The following MUC6 variants were observed in gnomAD, a reference collection of about 807,000 sequenced individuals.
The protein encoded by MUC6 is mucin 6, oligomeric mucus/gel-forming (gene/pseudogene).
In MUC6, 188 loss-of-function variants were observed where a neutral mutation model predicts 201.5. The observed-to-expected ratio is 0.93, with a 90% CI of 0.83 to 1.05. The LOEUF (loss-of-function observed/expected upper bound fraction) is 1.05, where lower values mean the gene tolerates loss of function less well. Ranked by LOEUF, MUC6 falls within the 50% of genes least tolerant of loss-of-function variation. MUC6 has a pLI of 0.00. For synonymous variants in MUC6, 1,228 were observed against 1,389.4 expected, an observed-to-expected ratio of 0.88 and a Z score of 2.58; for missense variants, 2,706 against 3,256.9, an observed-to-expected ratio of 0.83 and a Z score of 4.12.
chr11:1,025,713 A>C, intron 22 of MUC6, 92 bp downstream of exon 22: 1 of 1,219,008 alleles, frequency 8.2e-7, no homozygotes, highest in Non-Finnish European at 1.2e-6. Context: ...ATCTCGGGGC[A>C]GGACCTGGAG....
intron 21 of MUC6, 35 bp downstream of exon 21, chr11:1,025,965 T>A: frequency 6.3e-7 from 1 of 1,591,438 alleles, no homozygotes; most frequent in South Asian, 1.1e-5. Context: ...TGCCTCTGGG[T>A]CCCCGGCCCC....
intron 20 of MUC6, 34 bp from the exon 21 acceptor site, chr11:1,026,175 C>T (rs369847851): frequency 1.2e-4 from 189 of 1,569,060 alleles, no homozygotes; most frequent in Non-Finnish European, 1.4e-4. Flanking sequence ...GGTGGGCCTG[C>T]GGCCCTCCTG....
rs1227055310 is a variant in MUC6 at position 1,029,263 on chromosome 11, G to A, written c.1240C>T (p.Arg414Cys). 2.4e-5 allele frequency: 39 copies of A among 1,607,332 alleles called. No homozygotes were observed. The highest frequency in any genetic ancestry group is 4.0e-5 in the African/African-American group (3 of 74,848). ...ATGTAGGTGCAGGTGCCGTGGAAGCGGTAGGGCCTGGCGTCAAATGTGGTA... is the reference window on the plus strand; with the variant it reads ...ATGTAGGTGCAGGTGCCGTGGAAGCAGTAGGGCCTGGCGTCAAATGTGGTA... ...FVTTFDARPY[R>C]FHGTCTYILL... Residue 414 changes from arginine (R) to cysteine (C), a missense_variant, in exon 10 of 33, where the codon CGC (arginine) becomes TGC (cysteine). Transcript: ENST00000421673.
Position 1,013,221 on chromosome 11 carries a change from G to C in MUC6, c.*235C>G, listed in dbSNP as rs758012068. 8 of 564,474 alleles carry C rather than the reference G, an allele frequency of 1.4e-5. No homozygotes were observed. The highest frequency in any genetic ancestry group is 2.2e-5 in the Non-Finnish European group (7 of 321,218). 35.0% of individuals were successfully genotyped at this position (564,474 alleles called of 1,614,324 possible). A position where few individuals can be genotyped will look rare whatever the true frequency, so the allele number is the denominator to read the frequency against. ...TGTGCCTGGGAGGTCCGTGACCACT[G>C]TCCGCCTCAGTCCCTCTCTGCTGGC... On this transcript the variant is annotated 3_prime_UTR_variant, in exon 33 of 33. Transcript: ENST00000421673.
intron 16 of MUC6, 49 bp downstream of exon 16, chr11:1,027,636 C>G (rs564398064): frequency 1.9e-6 from 3 of 1,575,902 alleles, no homozygotes; most frequent in Non-Finnish European, 2.6e-6. Context: ...GACACCCCCT[C>G]GTGAGCCCAG....
chr11:1,030,469 AC>A, intron 7 of MUC6, 103 bp downstream of exon 7: 1 of 1,419,088 alleles, frequency 7.0e-7, no homozygotes, highest in Non-Finnish European at 9.4e-7. Flanking sequence ...TGTCTCTCAG[AC>A]CAGGAGGGAT....
chr11:1,030,382 C>G, intron 7 of MUC6, 47 bp from the exon 8 acceptor site: 1 of 1,519,710 alleles, frequency 6.6e-7, no homozygotes, highest in South Asian at 1.2e-5. Context: ...CCCCCCCACC[C>G]CTCCCTGCCC....
In MUC6 at chr11:1,013,732, C is replaced by T. The variant is rs529809300; in HGVS notation, c.7143-99G>A. The T allele has an allele frequency of 8.0e-5, 114 of 1,431,536 alleles. No individual in the cohort carries two copies. The Admixed American group carries it at 1.6e-3, about 20-fold the overall frequency. 88.7% of individuals were successfully genotyped at this position (1,431,536 alleles called of 1,614,324 possible). ...TGCTCCGCAGAGGCCTGGACCTCCC[C>T]GCTGAGCTCCCGGCTCACAGGGGCC... On this transcript the variant is annotated intron_variant, in intron 32 of 32. Transcript: ENST00000421673.
chr11:1,022,817 GA>G (rs1412646152), intron 26 of MUC6, among the ~76,000 whole-genome samples: 1 of 152,222 alleles, frequency 6.6e-6, no homozygotes. Context: ...GAATGTGCAT[GA>G]ATGAATAAGC....
At chr11:1,030,362 AG>A (rs1857071449) in intron 7 of MUC6, 27 bp from the exon 8 acceptor site, 2 of 1,541,912 alleles carry the variant, frequency 1.3e-6, no homozygotes, top group Non-Finnish European at 1.7e-6. Flanking sequence ...CTCCGGTGAG[AG>A]GGTCCCACCC....
intron 27 of MUC6, 55 bp downstream of exon 27, chr11:1,021,160 G>C: frequency 5.5e-6 from 8 of 1,466,726 alleles, no homozygotes; most frequent in Non-Finnish European, 7.3e-6. Context: ...GTGGACGTGC[G>C]TTCTGCCTGC....
At chr11:1,014,524 G>A (rs115946204) in intron 31 of MUC6, among the ~76,000 whole-genome samples, 5,469 of 152,300 alleles carry the variant, frequency 0.036, 330 homozygotes, top group African/African-American at 0.12. Flanking sequence ...GTGGGGGCCC[G>A]CGGGGAAGGC....
At chr11:1,031,551 C>T in intron 4 of MUC6, 56 bp downstream of exon 4, 2 of 1,531,200 alleles carry the variant, frequency 1.3e-6, no homozygotes, top group Non-Finnish European at 1.8e-6. Flanking sequence ...TCCCAAGTCC[C>T]ACCTGCCCCC....
At position 1,027,955 on chromosome 11, in the gene MUC6, G is replaced by A. The variant is rs193087745; in HGVS notation, c.1848+10C>T. ...CCTGCAGCCCTCCCAAGACGCCCTC[G>A]GGCCCTCACCTTGTAGAAGGGTGCA... On this transcript the variant is annotated intron_variant, in intron 15 of 32. Transcript: ENST00000421673. 1,422 of 1,567,700 alleles carry A rather than the reference G, an allele frequency of 9.1e-4. 28 individuals carry two copies. In the East Asian group the frequency reaches 0.029, roughly 32 times the overall value.
chr11:1,028,500 C>T, intron 13 of MUC6, 113 bp from the exon 14 acceptor site: 25 of 1,531,838 alleles, frequency 1.6e-5, no homozygotes, highest in South Asian at 9.7e-5. Flanking sequence ...TGAGAGGCTG[C>T]GTGGGCCACA....
At position 1,016,009 on chromosome 11, in the gene MUC6, G is replaced by C. The variant is rs1427608523; in HGVS notation, c.6792C>G (p.Phe2264Leu). Residue 2264 changes from phenylalanine (F) to leucine (L), a missense_variant, in exon 31 of 33, where the codon TTC (phenylalanine) becomes TTG (leucine). Phe to Leu is a conservative substitution (Grantham distance 22, BLOSUM62 0). Coordinates refer to ENST00000421673, the MANE Select transcript of MUC6 (RefSeq NM_005961.3). Reference sequence around the variant, plus strand: ...ACCGCGAGGTGGTGGACTGAGAGGAGAAGGCAGGGGCGGTGTGGGTGCTGG... The same window carrying C: ...ACCGCGAGGTGGTGGACTGAGAGGACAAGGCAGGGGCGGTGTGGGTGCTGG... ...TTASTHTAPA[F>L]SSQSTTSRST... 1.2e-6 allele frequency: 2 copies of C among 1,605,602 alleles called. No individual in the cohort carries two copies. Among genetic ancestry groups the C allele is most frequent in the Non-Finnish European group, 1.7e-6 (2 of 1,174,652 alleles).
rs1856775067 is a variant in MUC6, at chr11:1,020,162, G to C, written c.3736C>G (p.Pro1246Ala). Residue 1246 changes from proline (P) to alanine (A), a missense_variant, in exon 29 of 33, where the codon CCT becomes GCT. Physicochemically the swap from Pro to Ala is conservative, Grantham distance 27. This residue lies in a region of MUC6 where 1,850 missense variants were observed against 1,958.3 expected (regional missense o/e 0.94). Coordinates refer to ENST00000421673, the MANE Select transcript of MUC6 (RefSeq NM_005961.3). ...TGPSPSSNHT[P>A]ASPTQTPLLP... The stretch of plus-strand genomic sequence containing the variant: ...AGGGGTGTCTGGGTGGGGCTGGCAG[G>C]GGTGTGATTAGAGCTGGGTGAGGGT... 6.2e-7 allele frequency: 1 copy of C among 1,613,130 alleles called. No homozygotes were observed. Among genetic ancestry groups the C allele is most frequent in the African/African-American group, 1.3e-5 (1 of 75,030 alleles).
chr11:1,021,145 G>T, intron 27 of MUC6, 70 bp downstream of exon 27: 2 of 1,400,574 alleles, frequency 1.4e-6, no homozygotes, highest in East Asian at 2.5e-5. Context: ...CCTTGTTTGT[G>T]GGATGTGGAC....
chr11:1,030,383 C>T (rs997621529), intron 7 of MUC6, 48 bp from the exon 8 acceptor site: 1 of 1,514,810 alleles, frequency 6.6e-7, no homozygotes. Context: ...CCCCCCACCC[C>T]TCCCTGCCCC....
Sources: allele counts gnomAD v4.1 joint callset (sites outside exome capture counted in the v4.1 genomes callset), GRCh38; gene constraint gnomAD v4.1.1; regional missense constraint gnomAD v4.1.1; transcripts MANE v1.5; gene names NCBI Gene and HGNC (gene_info 2026-07-23, HGNC 2026-07-21).